The following MEPE variants were observed in gnomAD, a reference collection of about 807,000 sequenced individuals.
MEPE encodes matrix extracellular phosphoglycoprotein, also known as matrix, extracellular phosphoglycoprotein with ASARM motif (bone).
Under a neutral mutation model 7.3 loss-of-function variants are expected in MEPE, and 7 were observed. That is an observed-to-expected ratio of 0.95 (90% CI 0.54 to 1.79). MEPE has a LOEUF of 1.79. MEPE is among the 40% of genes most tolerant of loss of function. The pLI is 0.00. For missense variants in MEPE, 623 were observed against 628.2 expected, an observed-to-expected ratio of 0.99 and a Z score of 0.09; for synonymous variants, 214 against 213.1, an observed-to-expected ratio of 1.00 and a Z score of -0.04.
Position 87,823,881 on chromosome 4 carries a change from T to C in MEPE, c.-13+2410T>C, listed in dbSNP as rs542734918. The stretch of plus-strand genomic sequence containing the variant: ...ATGACTTGGACATTTTGTTTATCCA[T>C]GTACAGTGTAGCAAATATTTTCTGC... On this transcript the variant is annotated intron_variant, in intron 1 of 3. Coordinates refer to the MEPE transcript ENST00000424957. 5.0e-4 allele frequency among the ~76,000 whole-genome samples: 76 copies of C among 152,360 alleles called. No homozygotes were observed. The South Asian group carries it at 0.015, about 30-fold the overall frequency.
Position 87,845,302 on chromosome 4 carries a change from C to T in MEPE, c.434C>T (p.Ala145Val). The change falls in exon 4 of 4, where the codon GCT (alanine) becomes GTT (valine). Residue 145 changes from alanine to valine, a missense_variant. Ala to Val is a moderately conservative substitution (Grantham distance 64). Coordinates refer to ENST00000361056, the MANE Select transcript of MEPE (RefSeq NM_020203.6). ...KLHDQEEYGA[A>V]LIRNNMQHIM... ...CATGACCAAGAAGAATATGGCGCAG[C>T]TCTCATCAGAAATAACATGCAACAT... 2 of 1,613,958 alleles carry T rather than the reference C, an allele frequency of 1.2e-6. No individual in the cohort carries two copies. Among genetic ancestry groups the T allele is most frequent in the Non-Finnish European group, 8.5e-7 (1 of 1,179,954 alleles).
chr4:87,842,260 C>A (rs925601326), intron 3 of MEPE, among the ~76,000 whole-genome samples: 2 of 152,098 alleles, frequency 1.3e-5, no homozygotes, highest in African/African-American at 2.4e-5. Flanking sequence ...GGCTTCCCTG[C>A]GTTTGGTTTT....
At chr4:87,824,966 G>C (rs569011947) in intron 1 of MEPE, among the ~76,000 whole-genome samples, 14 of 152,228 alleles carry the variant, frequency 9.2e-5, no homozygotes, top group African/African-American at 3.4e-4. Flanking sequence ...TCCTGCCTCA[G>C]CGGCCCCAAG....
rs114501247 is a variant in MEPE, at chr4:87,823,368, G to T, written c.-13+1897G>T. On this transcript the variant is annotated intron_variant, in intron 1 of 3. Coordinates refer to the MEPE transcript ENST00000424957. ...GACTCAATCAATATCCTCTGCAGCT[G>T]GTAGCAGACAGGATAGCAGAGGGGA... 5.4e-3 allele frequency among the ~76,000 whole-genome samples: 819 copies of T among 152,264 alleles called. 13 individuals carry two copies. Among genetic ancestry groups the T allele is most frequent in the African/African-American group, 0.019 (775 of 41,546 alleles).
intron 1 of MEPE, chr4:87,821,590 C>T (rs1406983118): frequency 6.6e-6 from 1 of 152,182 alleles, no homozygotes; most frequent in Non-Finnish European, 1.5e-5. Flanking sequence ...CAGATTAAGA[C>T]AAGCAAGTGG....
chr4:87,838,485 AGT>A (rs1722884865), intron 2 of MEPE, 145 bp from the exon 3 acceptor site: 2 of 667,314 alleles, frequency 3.0e-6, no homozygotes, highest in Non-Finnish European at 5.2e-6. Context: ...TAATGCGATG[AGT>A]GTGTCAATCT....
chr4:87,826,513 G>A (rs1311951429), intron 1 of MEPE, among the ~76,000 whole-genome samples: 1 of 151,860 alleles, frequency 6.6e-6, no homozygotes, highest in Non-Finnish European at 1.5e-5. Context: ...ACCCAGTAAT[G>A]GGATTGCTGG....
upstream of MEPE, among the ~76,000 whole-genome samples, chr4:87,828,808 G>A (rs897269974): frequency 6.6e-6 from 1 of 152,182 alleles, no homozygotes; most frequent in Admixed American, 6.5e-5. Context: ...GTCAGGCTAG[G>A]TGCATCATTG....
At chr4:87,839,483 T>C (rs1485404365) in intron 3 of MEPE, among the ~76,000 whole-genome samples, 7 of 151,584 alleles carry the variant, frequency 4.6e-5, no homozygotes, top group Admixed American at 2.0e-4. Flanking sequence ...TTTAGAGTTA[T>C]GTAGAAAAGA....
At chr4:87,824,041 G>A (rs971790553) in intron 1 of MEPE, among the ~76,000 whole-genome samples, 1 of 152,126 alleles carries the variant, frequency 6.6e-6, no homozygotes, top group African/African-American at 2.4e-5. Flanking sequence ...TGTATCTCAT[G>A]GTTCCCAGGG....
At chr4:87,832,288 T>C (rs761085663), upstream of MEPE, among the ~76,000 whole-genome samples, 40 of 152,122 alleles carry the variant, frequency 2.6e-4, no homozygotes, top group Non-Finnish European at 4.9e-4. Context: ...GACACGTACA[T>C]TGAAACCATA....
chr4:87,829,749 A>G (rs1210378995), upstream of MEPE, among the ~76,000 whole-genome samples: 2 of 151,930 alleles, frequency 1.3e-5, no homozygotes, highest in African/African-American at 4.8e-5. Flanking sequence ...CTTGTCTTCC[A>G]TTTAGAAAGC....
chr4:87,831,348 A>C (rs1175904243), upstream of MEPE, among the ~76,000 whole-genome samples: 1 of 152,044 alleles, frequency 6.6e-6, no homozygotes, highest in Non-Finnish European at 1.5e-5. Context: ...TTTCTTCTGC[A>C]TTTTTTCCAA....
rs1015437279 is a variant in MEPE, at chr4:87,846,780, C to G, written c.*334C>G. On this transcript the variant is annotated 3_prime_UTR_variant, in exon 4 of 4. Transcript: ENST00000361056. ...CTGTAGACATGAAAATAAACAATAT[C>G]TCTCGATGATAATTTGTATTAAGTA... is the stretch of plus-strand genomic sequence containing the variant. 2 of 210,498 alleles carry G rather than the reference C, an allele frequency of 9.5e-6. No homozygotes were observed. The highest frequency in any genetic ancestry group is 1.9e-5 in the Non-Finnish European group (2 of 106,046). 13.0% of individuals were successfully genotyped at this position (210,498 alleles called of 1,614,324 possible). A position where few individuals can be genotyped will look rare whatever the true frequency, so the allele number is the denominator to read the frequency against.
At chr4:87,841,353 A>C (rs1335778418) in intron 3 of MEPE, among the ~76,000 whole-genome samples, 2 of 152,202 alleles carry the variant, frequency 1.3e-5, no homozygotes, top group Non-Finnish European at 2.9e-5. Flanking sequence ...AATATTTAAA[A>C]TACTTTTTAT....
chr4:87,846,053 C>G lies in MEPE; in HGVS notation c.1185C>G (p.Asn395Lys), dbSNP rs78166851. 2,762 of 1,613,962 alleles carry G rather than the reference C, an allele frequency of 1.7e-3. 36 individuals are homozygous for G. In the African/African-American group the frequency reaches 0.031, roughly 18 times the overall value. Residue 395 changes from asparagine to lysine, a missense_variant, in exon 4 of 4, where the codon AAC becomes AAG. Transcript: ENST00000361056. Reference protein sequence around the residue: ...EGSSDAAESTNYNEIPKNGKG... With the variant: ...EGSSDAAESTKYNEIPKNGKG... ...GTAGTGATGCAGCTGAAAGTACCAA[C>G]TATAATGAAATTCCTAAAAATGGCA...
chr4:87,841,716 T>G (rs1459699761), intron 3 of MEPE, among the ~76,000 whole-genome samples: 2 of 150,332 alleles, frequency 1.3e-5, no homozygotes, highest in Non-Finnish European at 3.0e-5. Flanking sequence ...AAAGAGAGAG[T>G]CCAATCAAAA....
At chr4:87,835,734 T>C (rs972699869) in intron 2 of MEPE, among the ~76,000 whole-genome samples, 2 of 152,072 alleles carry the variant, frequency 1.3e-5, no homozygotes. Context: ...CGAGACCCCA[T>C]GCACAGACCT....
chr4:87,840,592 A>G (rs1722976542), intron 3 of MEPE, among the ~76,000 whole-genome samples: 1 of 152,206 alleles, frequency 6.6e-6, no homozygotes, highest in Non-Finnish European at 1.5e-5. Flanking sequence ...GATGGAGAAA[A>G]CAAATTCTTT....
Sources: gnomAD v4.1 joint callset for allele counts (sites outside exome capture counted in the v4.1 genomes callset) on GRCh38, gnomAD v4.1.1 for gene constraint, MANE v1.5 for transcripts, NCBI Gene and HGNC (gene_info 2026-07-23, HGNC 2026-07-21) for gene names.